Variants in SPEN observed in about 807,000 individuals in gnomAD.
SPEN encodes the protein spen family transcriptional repressor, also known as msx2-interacting protein.
Under a neutral mutation model 269.9 loss-of-function variants are expected in SPEN, and 18 were observed. That is an observed-to-expected ratio of 0.07 (90% CI 0.05 to 0.10). The LOEUF is 0.10. Among genes scored for constraint, SPEN ranks in the 10% least tolerant of loss-of-function variants. The pLI is 1.00. For synonymous variants in SPEN, 1,726 were observed against 1,765.7 expected (o/e 0.98, Z 0.56); for missense variants, 3,822 against 4,631.2 (o/e 0.83, Z 5.07).
intron 3 of SPEN, among the ~76,000 whole-genome samples, chr1:15,888,721 C>T (rs2070761887): frequency 6.6e-6 from 1 of 152,046 alleles, no homozygotes; most frequent in South Asian, 2.1e-4. Context: ...CGACCTCCAC[C>T]TTCTGGGTTC....
At chr1:15,919,280 A>C in intron 7 of SPEN, 124 bp from the exon 8 acceptor site, 3 of 724,794 alleles carry the variant, frequency 4.1e-6, no homozygotes, top group Non-Finnish European at 6.7e-6. Context: ...TTTTAACCAG[A>C]TGTTTCCCAC....
Position 15,934,377 on chromosome 1 carries a change from G to A in SPEN, c.8137G>A (p.Ala2713Thr), listed in dbSNP as rs1197486979. The stretch of plus-strand genomic sequence containing the variant: ...GAATGTTCTCACCACTCCAGTGAAC[G>A]CCACGGTGGGCACAGTGAATGCCGC... ...PVNVLTTPVNATVGTVNAAPG... is the reference protein window; with the variant it reads ...PVNVLTTPVNTTVGTVNAAPG... Residue 2713 changes from alanine (A) to threonine (T), a missense_variant, in exon 11 of 15, where the codon GCC (alanine) becomes ACC (threonine). Around this residue, in one of 16 missense-constraint regions of SPEN, gnomAD observed 329 missense variants for 431.2 expected, o/e 0.76. Transcript: ENST00000375759. The surrounding 1 kb of genome is among the most constrained non-coding windows in gnomAD (Gnocchi z 9.2). 4 of 1,613,402 alleles carry A rather than the reference G, an allele frequency of 2.5e-6. No homozygotes were observed. The highest frequency in any genetic ancestry group is 2.2e-5 in the East Asian group (1 of 44,900).
At chr1:15,875,170 G>T (rs983928523) in intron 2 of SPEN, among the ~76,000 whole-genome samples, 1 of 152,090 alleles carries the variant, frequency 6.6e-6, no homozygotes, top group Non-Finnish European at 1.5e-5. Flanking sequence ...TTCTTTATAG[G>T]ATTATAACTA....
At chr1:15,910,516 A>G (rs2071002385) in intron 4 of SPEN, among the ~76,000 whole-genome samples, 2 of 152,164 alleles carry the variant, frequency 1.3e-5, no homozygotes, top group Admixed American at 6.5e-5. Context: ...ACCCCAAAGT[A>G]GAAGGAATAG....
intron 9 of SPEN, among the ~76,000 whole-genome samples, chr1:15,921,861 A>G (rs2071122870): frequency 6.6e-6 from 1 of 152,246 alleles, no homozygotes; most frequent in African/African-American, 2.4e-5. Context: ...ATGCTTTAGT[A>G]ACTTTGAGGC....
chr1:15,879,107 G>A (rs1320243348), intron 3 of SPEN, among the ~76,000 whole-genome samples: 16 of 149,968 alleles, frequency 1.1e-4, no homozygotes, highest in Admixed American at 8.6e-4. Flanking sequence ...ATGAGGCTGA[G>A]GTGGGTAGAT....
In SPEN at chr1:15,939,283, A is replaced by T; in HGVS notation, c.10864-13A>T. ...GACAGACGGTCCCACTTTGCTCTCT[A>T]TCCTGTCTCCAGCCTGCCTACGTGC... On this transcript the variant is annotated splice_polypyrimidine_tract_variant and intron_variant, in intron 14 of 14. Transcript: ENST00000375759. This position sits in a 1 kb window ranked among gnomAD's most constrained non-coding sequence, Gnocchi z 4.1. The T allele has an allele frequency of 6.4e-7, 1 of 1,569,218 alleles. No homozygotes were observed. Among genetic ancestry groups the T allele is most frequent in the South Asian group, 1.2e-5 (1 of 84,694 alleles).
At chr1:15,887,986 C>T (rs918305428) in intron 3 of SPEN, among the ~76,000 whole-genome samples, 2 of 151,666 alleles carry the variant, frequency 1.3e-5, no homozygotes, top group African/African-American at 4.8e-5. Context: ...CAAGATTGCA[C>T]CACTGCACTC....
In SPEN at chr1:15,935,488, G is replaced by A; in HGVS notation, c.9248G>A (p.Ser3083Asn). Residue 3083 changes from serine to asparagine, a missense_variant, in exon 11 of 15, where the codon AGC becomes AAC. Ser to Asn is a conservative substitution (Grantham distance 46, BLOSUM62 1). Coordinates refer to ENST00000375759, the MANE Select transcript of SPEN (RefSeq NM_015001.3). The surrounding 1 kb of genome is among the most constrained non-coding windows in gnomAD (Gnocchi z 7.7). ...PEQSVIMPPH[S>N]ITQTVSLSHL... The stretch of plus-strand genomic sequence containing the variant: ...CAGTCTGTCATCATGCCACCCCACA[G>A]CATCACCCAGACTGTGTCCCTGAGC... 1 of 1,614,066 alleles carries A rather than the reference G, an allele frequency of 6.2e-7. No homozygotes were observed. Among genetic ancestry groups the A allele is most frequent in the Non-Finnish European group, 8.5e-7 (1 of 1,179,990 alleles).
Position 15,937,363 on chromosome 1 carries a change from A to C in SPEN, c.10227A>C (p.Ala3409=), listed in dbSNP as rs1284346137. The change falls in exon 12 of 15, where the codon GCA becomes GCC. Residue 3409 remains alanine (A), a synonymous_variant. Coordinates refer to ENST00000375759, the MANE Select transcript of SPEN (RefSeq NM_015001.3). The surrounding 1 kb of genome is among the most constrained non-coding windows in gnomAD (Gnocchi z 5.7). ...VEQPRLPAGP[A]NRPPEPHTQV... is the part of the protein sequence containing the mutation. ...AGCCTCGCCTCCCAGCTGGACCTGCAAACAGGCCACCTGAGCCTCACACCC... is the reference window on the plus strand; with the variant it reads ...AGCCTCGCCTCCCAGCTGGACCTGCCAACAGGCCACCTGAGCCTCACACCC... 8.1e-6 allele frequency: 13 copies of C among 1,613,818 alleles called. No individual in the cohort carries two copies. The highest frequency in any genetic ancestry group is 8.5e-7 in the Non-Finnish European group (1 of 1,180,012).
chr1:15,927,400 A>G (rs1411060133), intron 10 of SPEN, among the ~76,000 whole-genome samples: 1 of 152,198 alleles, frequency 6.6e-6, no homozygotes, highest in East Asian at 1.9e-4. Flanking sequence ...CTGCCATTTT[A>G]TGAGTGAGGA....
chr1:15,924,286 G>A lies in SPEN; in HGVS notation c.1850+1937G>A, dbSNP rs145574174. 6.4e-3 allele frequency among the ~76,000 whole-genome samples: 975 copies of A among 152,224 alleles called. 8 individuals are homozygous for A. Among genetic ancestry groups the A allele is most frequent in the Middle Eastern group, 0.02 (6 of 294 alleles). ...TTGTTAATACAGTAAATGCTTACAA[G>A]GAATTCTTATCTATATGTGAGTGGA... On this transcript the variant is annotated intron_variant, in intron 10 of 14. Transcript: ENST00000375759.
At position 15,931,001 on chromosome 1, in the gene SPEN, T is replaced by C; in HGVS notation, c.4761T>C (p.Phe1587=). 1 of 1,614,094 alleles carries C rather than the reference T, an allele frequency of 6.2e-7. No homozygotes were observed. Among genetic ancestry groups the C allele is most frequent in the African/African-American group, 1.3e-5 (1 of 75,024 alleles). ...CAGTAGTTCTGTTCCATAGCAGATT[T>C]ATGGAGCTCACACGGATGCAACAGA... The part of the protein sequence containing the change: ...QEPVVLFHSR[F]MELTRMQQKE... Residue 1587 remains phenylalanine (F), a synonymous_variant, in exon 11 of 15, where the codon TTT becomes TTC. Transcript: ENST00000375759. The surrounding 1 kb of genome is among the most constrained non-coding windows in gnomAD (Gnocchi z 4.8).
chr1:15,883,057 T>C (rs1348729053), intron 3 of SPEN, among the ~76,000 whole-genome samples: 1 of 152,242 alleles, frequency 6.6e-6, no homozygotes, highest in Non-Finnish European at 1.5e-5. Context: ...GATTGGAATT[T>C]TAGAGCAAGC....
chr1:15,934,372 T>C lies in SPEN; in HGVS notation c.8132T>C (p.Val2711Ala), dbSNP rs1342480338. The part of the protein sequence containing the change: ...TGPVNVLTTP[V>A]NATVGTVNAA... The stretch of plus-strand genomic sequence containing the variant: ...CCAGTGAATGTTCTCACCACTCCAG[T>C]GAACGCCACGGTGGGCACAGTGAAT... Residue 2711 changes from valine (V) to alanine (A), a missense_variant, in exon 11 of 15, where the codon GTG becomes GCG. Physicochemically the swap from Val to Ala is moderately conservative, Grantham distance 64 (BLOSUM62 0). This residue lies in a region of SPEN where 329 missense variants were observed against 431.2 expected (regional missense o/e 0.76). Coordinates refer to ENST00000375759, the MANE Select transcript of SPEN (RefSeq NM_015001.3). The surrounding 1 kb of genome is among the most constrained non-coding windows in gnomAD (Gnocchi z 9.2). The C allele has an allele frequency of 1.2e-6, 2 of 1,613,602 alleles. No individual in the cohort carries two copies. The highest frequency in any genetic ancestry group is 1.7e-6 in the Non-Finnish European group (2 of 1,180,030).
At chr1:15,885,581 A>T (rs1449486352) in intron 3 of SPEN, among the ~76,000 whole-genome samples, 1 of 152,250 alleles carries the variant, frequency 6.6e-6, no homozygotes. Flanking sequence ...TTCTTTAAAA[A>T]GTTACCTACT....
At chr1:15,849,628 A>T (rs944598945) in intron 1 of SPEN, among the ~76,000 whole-genome samples, 3 of 150,804 alleles carry the variant, frequency 2.0e-5, no homozygotes, top group Non-Finnish European at 4.4e-5. Context: ...GGGCGGGGGG[A>T]GGCAGGGAGC....
intron 7 of SPEN, 41 bp from the exon 8 acceptor site, chr1:15,919,363 T>C (rs1335712162): frequency 1.1e-5 from 14 of 1,281,260 alleles, no homozygotes; most frequent in Non-Finnish European, 1.5e-5. Context: ...TGAATAGTAA[T>C]TGTGAACTTT....
chr1:15,926,660 G>C (rs2071170547), intron 10 of SPEN, among the ~76,000 whole-genome samples: 1 of 151,274 alleles, frequency 6.6e-6, no homozygotes, highest in Non-Finnish European at 1.5e-5. Flanking sequence ...AGAAGACAAA[G>C]CCTGTGCCTT....
Sources: gnomAD v4.1 joint callset for allele counts (sites outside exome capture counted in the v4.1 genomes callset) on GRCh38, gnomAD v4.1.1 for gene constraint, gnomAD v4.1.1 regional missense constraint, Gnocchi (gnomAD v3.1) non-coding constraint, MANE v1.5 for transcripts, NCBI Gene and HGNC (gene_info 2026-07-23, HGNC 2026-07-21) for gene names.